Variants in FNDC11 observed in about 807,000 individuals in gnomAD.
FNDC11 encodes fibronectin type III domain-containing protein 11.
FNDC11 carries 15 observed loss-of-function variants against 15.8 expected under a neutral mutation model. The ratio of observed to expected loss-of-function variants is 0.95; its 90% CI spans 0.63 to 1.46. The LOEUF (loss-of-function observed/expected upper bound fraction) is 1.46, where lower values mean the gene tolerates loss of function less well. FNDC11 is among the 40% of genes most tolerant of loss of function. The probability of loss-of-function intolerance (pLI) is 0.00; values close to 1 mark genes in which losing one functional copy is unlikely to be tolerated. For missense variants in FNDC11, 416 were observed against 443.4 expected (o/e 0.94, Z 0.55); for synonymous variants, 190 against 203.1 (o/e 0.94, Z 0.55).
At position 63,556,588 on chromosome 20, in the gene FNDC11, C is replaced by T. The variant is rs1199453622; in HGVS notation, c.925C>T (p.Leu309=). ...CACCCTGCACACCAAGCCGGAGCCC[C>T]TGGAGGGGCCCGCCCTCAGCCACTC... is the stretch of plus-strand genomic sequence containing the variant. ...SLTLHTKPEP[L]EGPALSHSV is the part of the protein sequence containing the mutation. The change falls in exon 2 of 2, where the codon CTG becomes TTG. Residue 309 remains leucine (L), a synonymous_variant. Transcript: ENST00000370097. 1.2e-6 allele frequency: 2 copies of T among 1,612,856 alleles called. No individual in the cohort carries two copies. The highest frequency in any genetic ancestry group is 1.1e-5 in the South Asian group (1 of 91,090).
rs369567461 is a variant in FNDC11 at position 63,555,771 on chromosome 20, G to A, written c.108G>A (p.Glu36=). 8 of 1,613,504 alleles carry A rather than the reference G, an allele frequency of 5.0e-6. No homozygotes were observed. Among genetic ancestry groups the A allele is most frequent in the South Asian group, 1.1e-5 (1 of 91,086 alleles). The change falls in exon 2 of 2, where the codon GAG becomes GAA. Residue 36 remains glutamate, a synonymous_variant. Coordinates refer to ENST00000370097, the MANE Select transcript of FNDC11 (RefSeq NM_001319152.2). Reference sequence around the variant, plus strand: ...ATGACCAGCAGCTGCTGGAACCAGAGGCGTGGAAGACCTACACCGAGCGCC... The same window carrying A: ...ATGACCAGCAGCTGCTGGAACCAGAAGCGTGGAAGACCTACACCGAGCGCC... ...EADDQQLLEP[E]AWKTYTERRN... is the part of the protein sequence containing the mutation.
rs1447635902 is a variant in FNDC11 at position 63,556,072 on chromosome 20, C to T, written c.409C>T (p.Arg137Cys). 7 of 1,598,986 alleles carry T rather than the reference C, an allele frequency of 4.4e-6. No homozygotes were observed. Among genetic ancestry groups the T allele is most frequent in the Admixed American group, 3.3e-5 (2 of 59,980 alleles). ...GDLLEQLDHG[R>C]AELDALLRSP... is the part of the protein sequence containing the mutation. ...CCTGTTGGAACAGCTCGACCATGGC[C>T]GTGCTGAGCTGGATGCCCTGCTCCG... The change falls in exon 2 of 2, where the codon CGT (arginine) becomes TGT (cysteine). Residue 137 changes from arginine (R) to cysteine (C), a missense_variant. Transcript: ENST00000370097.
rs752632134 is a variant in FNDC11, at chr20:63,556,521, C to T, written c.858C>T (p.Ala286=). The T allele has an allele frequency of 1.1e-5, 17 of 1,613,560 alleles. No individual in the cohort carries two copies. Among genetic ancestry groups the T allele is most frequent in the Middle Eastern group, 1.6e-4 (1 of 6,084 alleles). The change falls in exon 2 of 2, where the codon GCC becomes GCT. Residue 286 remains alanine, a synonymous_variant. Coordinates refer to ENST00000370097, the MANE Select transcript of FNDC11 (RefSeq NM_001319152.2). The part of the protein sequence containing the change: ...NRSYKFTIKR[A]ETSTLVYEPW... ...CCTATAAGTTCACCATCAAGAGGGC[C>T]GAGACCTCCACGCTGGTGTACGAGC...
Position 63,555,913 on chromosome 20 carries a change from C to T in FNDC11, c.250C>T (p.His84Tyr). ...CSYYIEVLPK[H>Y]LALGDQNPLV... is the part of the protein sequence containing the mutation. ...CTACTACATCGAGGTCCTGCCCAAG[C>T]ACCTGGCCCTGGGCGACCAGAACCC... Residue 84 changes from histidine to tyrosine, a missense_variant, in exon 2 of 2, where the codon CAC becomes TAC. Coordinates refer to ENST00000370097, the MANE Select transcript of FNDC11 (RefSeq NM_001319152.2). 1 of 1,607,942 alleles carries T rather than the reference C, an allele frequency of 6.2e-7. No individual in the cohort carries two copies. The highest frequency in any genetic ancestry group is 8.5e-7 in the Non-Finnish European group (1 of 1,179,942).
chr20:63,555,887 C>G lies in FNDC11; in HGVS notation c.224C>G (p.Ser75Cys). ...CGCATGCAGCTGCTGCGTAAGTGCT[C>G]CTACTACATCGAGGTCCTGCCCAAG... ...HARMQLLRKCSYYIEVLPKHL... is the reference protein window; with the variant it reads ...HARMQLLRKCCYYIEVLPKHL... The change falls in exon 2 of 2, where the codon TCC becomes TGC. Residue 75 changes from serine (S) to cysteine (C), a missense_variant. Coordinates refer to ENST00000370097, the MANE Select transcript of FNDC11 (RefSeq NM_001319152.2). 6.2e-7 allele frequency: 1 copy of G among 1,610,862 alleles called. No individual in the cohort carries two copies. Among genetic ancestry groups the G allele is most frequent in the Non-Finnish European group, 8.5e-7 (1 of 1,179,888 alleles).
upstream of FNDC11, chr20:63,554,035 C>T (rs919852090): frequency 6.6e-6 from 1 of 152,164 alleles, no homozygotes; most frequent in Non-Finnish European, 1.5e-5. Flanking sequence ...CTGGGGCTCT[C>T]CAGGAAGCGA....
In FNDC11 at chr20:63,555,650, C is replaced by G. The variant is rs753874919; in HGVS notation, c.-10-4C>G. ...TGGCAGCTGACACCCAGCCCTCCCC[C>G]CAGCTCCCGGATAATGAGCACCCAT... is the stretch of plus-strand genomic sequence containing the variant. On this transcript the variant is annotated splice_region_variant and splice_polypyrimidine_tract_variant and intron_variant, in intron 1 of 1. Coordinates refer to ENST00000370097, the MANE Select transcript of FNDC11 (RefSeq NM_001319152.2). 4.4e-6 allele frequency: 7 copies of G among 1,591,652 alleles called. No homozygotes were observed. Among genetic ancestry groups the G allele is most frequent in the Non-Finnish European group, 5.1e-6 (6 of 1,166,304 alleles).
At chr20:63,553,300 C>T (rs1324282704), upstream of FNDC11, among the ~76,000 whole-genome samples, 2 of 152,066 alleles carry the variant, frequency 1.3e-5, no homozygotes, top group Admixed American at 6.5e-5. Context: ...AGAGTCAGGT[C>T]GGTGCCTGAG....
chr20:63,553,443 GGAGCCTGTGGTGGGAA>G (rs1235348639), upstream of FNDC11, among the ~76,000 whole-genome samples: 1 of 150,088 alleles, frequency 6.7e-6, no homozygotes, highest in Non-Finnish European at 1.5e-5. Context: ...TGCGCTGGGA[GGAGCCTGTGGTGGGAA>G]GACCCTGTGG....
chr20:63,555,002 A>T (rs559459487), intron 1 of FNDC11: 2 of 152,554 alleles, frequency 1.3e-5, no homozygotes, highest in East Asian at 3.9e-4. Context: ...TCTTAGCCTC[A>T]GGCTCCATCT....
In FNDC11 at chr20:63,555,840, C is replaced by T. The variant is rs757650296; in HGVS notation, c.177C>T (p.His59=). The T allele has an allele frequency of 1.9e-6, 3 of 1,613,398 alleles. No individual in the cohort carries two copies. The highest frequency in any genetic ancestry group is 1.6e-4 in the Middle Eastern group (1 of 6,062). The part of the protein sequence containing the change: ...REFLTSDLSP[H]LLKRHHARMQ... The stretch of plus-strand genomic sequence containing the variant: ...TCCTGACCTCGGACCTGAGTCCGCA[C>T]CTGCTCAAGCGCCACCACGCCCGCA... The change falls in exon 2 of 2, where the codon CAC becomes CAT. Residue 59 remains histidine, a synonymous_variant. Transcript: ENST00000370097.
Position 63,556,034 on chromosome 20 carries a change from T to C in FNDC11, c.371T>C (p.Leu124Pro). The change falls in exon 2 of 2, where the codon CTG becomes CCG. Residue 124 changes from leucine to proline, a missense_variant. By Grantham distance (98) the Leu-to-Pro change is moderately conservative. Coordinates refer to ENST00000370097, the MANE Select transcript of FNDC11 (RefSeq NM_001319152.2). ...VGTAQTKIQL[L>P]LLGDLLEQLD... is the part of the protein sequence containing the mutation. ...ACAGCTCAGACCAAGATCCAGCTCC[T>C]GCTGCTCGGGGACCTGTTGGAACAG... 6.2e-7 allele frequency: 1 copy of C among 1,600,154 alleles called. No individual in the cohort carries two copies.
Position 63,556,574 on chromosome 20 carries a change from C to A in FNDC11, c.911C>A (p.Thr304Asn), listed in dbSNP as rs1389024199. Residue 304 changes from threonine to asparagine, a missense_variant, in exon 2 of 2, where the codon ACC becomes AAC. Thr to Asn is a moderately conservative substitution (Grantham distance 65). Coordinates refer to ENST00000370097, the MANE Select transcript of FNDC11 (RefSeq NM_001319152.2). The part of the protein sequence containing the change: ...EPWRDSLTLH[T>N]KPEPLEGPAL... ...TGGAGGGACAGCCTCACCCTGCACA[C>A]CAAGCCGGAGCCCCTGGAGGGGCCC... is the stretch of plus-strand genomic sequence containing the variant. 6.2e-7 allele frequency: 1 copy of A among 1,613,092 alleles called. No homozygotes were observed. The highest frequency in any genetic ancestry group is 1.3e-5 in the African/African-American group (1 of 74,942).
At chr20:63,553,593 G>T, upstream of FNDC11, 1 of 111,242 alleles carries the variant, frequency 9.0e-6, no homozygotes, top group Non-Finnish European at 1.7e-5. Flanking sequence ...AGGGGCCGTT[G>T]CGGGGGAGGG....
Position 63,555,873 on chromosome 20 carries a change from GCTGCGTAAGTGCTC to G in FNDC11, c.213_226del (p.Arg72LeufsTer21). Reference sequence around the variant, plus strand: ...AGCGCCACCACGCCCGCATGCAGCTGCTGCGTAAGTGCTCCTACTACATCGAGGTCCTGCCCAAG... The same window carrying G: ...AGCGCCACCACGCCCGCATGCAGCTGCTACTACATCGAGGTCCTGCCCAAG... On this transcript the variant is annotated frameshift_variant, in exon 2 of 2. Transcript: ENST00000370097. LOFTEE classifies it high-confidence loss of function. The G allele has an allele frequency of 6.2e-7, 1 of 1,612,238 alleles. No homozygotes were observed. Among genetic ancestry groups the G allele is most frequent in the Non-Finnish European group, 8.5e-7 (1 of 1,179,882 alleles).
chr20:63,555,934 A>T lies in FNDC11; in HGVS notation c.271A>T (p.Asn91Tyr). The change falls in exon 2 of 2, where the codon AAC becomes TAC. Residue 91 changes from asparagine to tyrosine, a missense_variant. Physicochemically the swap from Asn to Tyr is moderately radical, Grantham distance 143. Coordinates refer to ENST00000370097, the MANE Select transcript of FNDC11 (RefSeq NM_001319152.2). ...LPKHLALGDQ[N>Y]PLVLPSALFQ... ...CAAGCACCTGGCCCTGGGCGACCAG[A>T]ACCCGCTGGTGCTGCCTAGCGCCTT... 1 of 1,605,064 alleles carries T rather than the reference A, an allele frequency of 6.2e-7. No homozygotes were observed. The highest frequency in any genetic ancestry group is 8.5e-7 in the Non-Finnish European group (1 of 1,179,964).
In FNDC11 at chr20:63,556,455, T is replaced by C; in HGVS notation, c.792T>C (p.Ala264=). The change falls in exon 2 of 2, where the codon GCT becomes GCC. Residue 264 remains alanine (A), a synonymous_variant. Transcript: ENST00000370097. ...ECAQCGVIPV[A]ACTFDVRNLL... is the part of the protein sequence containing the mutation. ...CCCAGTGTGGCGTCATCCCCGTGGC[T>C]GCCTGCACCTTCGACGTCCGAAACC... 1 of 1,613,570 alleles carries C rather than the reference T, an allele frequency of 6.2e-7. No homozygotes were observed. Among genetic ancestry groups the C allele is most frequent in the Non-Finnish European group, 8.5e-7 (1 of 1,180,028 alleles).
At chr20:63,553,266 G>A (rs1212758253), upstream of FNDC11, among the ~76,000 whole-genome samples, 2 of 152,188 alleles carry the variant, frequency 1.3e-5, no homozygotes, top group Non-Finnish European at 2.9e-5. Flanking sequence ...GGGCTCCCTG[G>A]AGCTATGGAG....
chr20:63,555,590 C>G (rs1288018247), intron 1 of FNDC11, 64 bp from the exon 2 acceptor site: 1 of 1,493,626 alleles, frequency 6.7e-7, no homozygotes, highest in South Asian at 1.3e-5. Flanking sequence ...ATCCATCCCC[C>G]GAACATGCCA....
Sources: gnomAD v4.1 joint callset for allele counts (sites outside exome capture counted in the v4.1 genomes callset) on GRCh38, gnomAD v4.1.1 for gene constraint, MANE v1.5 for transcripts, NCBI Gene and HGNC (gene_info 2026-07-23, HGNC 2026-07-21) for gene names.